The following BPIFB4 variants were observed in gnomAD, a reference collection of about 807,000 sequenced individuals.
BPIFB4 encodes the protein BPI fold containing family B member 4, also known as BPI fold-containing family B member 4.
A neutral mutation model predicts 69.2 loss-of-function variants in BPIFB4; 62 were observed. The observed-to-expected ratio is 0.90, with a 90% confidence interval of 0.73 to 1.11. The LOEUF is 1.11. Among genes scored for constraint, BPIFB4 ranks in the 50% least tolerant of loss-of-function variants. BPIFB4 has a pLI of 0.00. For synonymous variants in BPIFB4, 330 were observed against 332.7 expected (o/e 0.99, Z 0.09); for missense variants, 789 against 792.0 (o/e 1.00, Z 0.04).
At chr20:33,102,838 T>C in intron 14 of BPIFB4, 134 bp from the exon 15 acceptor site, 1 of 916,654 alleles carries the variant, frequency 1.1e-6, no homozygotes, top group African/African-American at 1.6e-5. Flanking sequence ...GCCAGCATTG[T>C]TCTTATTAAA....
chr20:33,083,501 A>G lies in BPIFB4; in HGVS notation c.304A>G (p.Lys102Glu). The G allele has an allele frequency of 6.2e-7, 1 of 1,614,006 alleles. No homozygotes were observed. The highest frequency in any genetic ancestry group is 8.5e-7 in the Non-Finnish European group (1 of 1,179,958). The change falls in exon 5 of 18, where the codon AAA becomes GAA. Residue 102 changes from lysine (K) to glutamate (E), a missense_variant. By Grantham distance (56) the Lys-to-Glu change is moderately conservative. This residue lies in a region of BPIFB4 where 611 missense variants were observed against 575.4 expected (regional missense o/e 1.06). Transcript: ENST00000375483. The stretch of plus-strand genomic sequence containing the variant: ...CGACAACACTGCTCAGCTGGGGGGC[A>G]AATACCGATATGGTGAGATCCTTGA... The part of the protein sequence containing the change: ...TNDNTAQLGG[K>E]YRYGEILESE...
chr20:33,109,672 A>G (rs1982181084), intron 17 of BPIFB4, among the ~76,000 whole-genome samples: 1 of 152,174 alleles, frequency 6.6e-6, no homozygotes, highest in Admixed American at 6.5e-5. Context: ...ATTATAAATG[A>G]CTTACCTTTT....
intron 16 of BPIFB4, 44 bp downstream of exon 16, chr20:33,104,917 GTA>G: frequency 6.3e-7 from 1 of 1,584,420 alleles, no homozygotes; most frequent in Non-Finnish European, 8.7e-7. Flanking sequence ...TGTGGCTTGG[GTA>G]CTGGGGGATA....
At chr20:33,106,000 C>A (rs544183254) in intron 16 of BPIFB4, among the ~76,000 whole-genome samples, 1 of 152,188 alleles carries the variant, frequency 6.6e-6, no homozygotes. Flanking sequence ...CACAAAATAC[C>A]CTGCAAAAAG....
intron 1 of BPIFB4, among the ~76,000 whole-genome samples, chr20:33,080,152 A>G (rs1981186148): frequency 6.6e-6 from 1 of 151,930 alleles, no homozygotes; most frequent in South Asian, 2.1e-4. Flanking sequence ...AATGCCTCTA[A>G]TATTCTTCTG....
intron 7 of BPIFB4, among the ~76,000 whole-genome samples, chr20:33,087,928 G>A (rs1001868353): frequency 6.6e-6 from 1 of 152,138 alleles, no homozygotes; most frequent in Non-Finnish European, 1.5e-5. Context: ...TCTTTGCTTT[G>A]CTGAATTGGC....
chr20:33,082,609 G>A (rs1981267901), intron 3 of BPIFB4, among the ~76,000 whole-genome samples: 1 of 152,186 alleles, frequency 6.6e-6, no homozygotes, highest in Non-Finnish European at 1.5e-5. Flanking sequence ...TGGGATTACA[G>A]GCATGAGCCA....
At chr20:33,102,242 C>T (rs1340191251) in intron 14 of BPIFB4, among the ~76,000 whole-genome samples, 3 of 152,224 alleles carry the variant, frequency 2.0e-5, no homozygotes, top group Non-Finnish European at 2.9e-5. Context: ...ATGTCCCAAG[C>T]GGAGAGTCTT....
chr20:33,111,282 C>G (rs1281408960), intron 17 of BPIFB4, 132 bp from the exon 18 acceptor site: 1 of 1,170,502 alleles, frequency 8.5e-7, no homozygotes, highest in Admixed American at 2.0e-5. Context: ...GCCTGCATGA[C>G]CCCTTTATCT....
At chr20:33,107,962 A>T (rs969956776) in intron 17 of BPIFB4, 142 bp downstream of exon 17, 4 of 716,814 alleles carry the variant, frequency 5.6e-6, no homozygotes, top group Admixed American at 4.4e-5. Context: ...CCTTCCAAGC[A>T]TGGGGCTGAG....
Position 33,084,999 on chromosome 20 carries a change from G to C in BPIFB4, c.782+3G>C, listed in dbSNP as rs1981378376. On this transcript the variant is annotated splice_donor_region_variant and intron_variant, in intron 6 of 17. Transcript: ENST00000375483. Reference sequence around the variant, plus strand: ...CGTGTGGCCATCAACGGGAAGAGGTGCGTGCCCTTGGCCCTGGAGGGGTCC... The same window carrying C: ...CGTGTGGCCATCAACGGGAAGAGGTCCGTGCCCTTGGCCCTGGAGGGGTCC... 1 of 1,610,832 alleles carries C rather than the reference G, an allele frequency of 6.2e-7. No individual in the cohort carries two copies. Among genetic ancestry groups the C allele is most frequent in the Non-Finnish European group, 8.5e-7 (1 of 1,179,644 alleles).
Position 33,104,818 on chromosome 20 carries a change from C to G in BPIFB4, c.1689C>G (p.Leu563=). 1 of 1,614,134 alleles carries G rather than the reference C, an allele frequency of 6.2e-7. No homozygotes were observed. The highest frequency in any genetic ancestry group is 8.5e-7 in the Non-Finnish European group (1 of 1,179,996). The stretch of plus-strand genomic sequence containing the variant: ...TCCTTCTTCCTCTGCAGATTGGCCT[C>G]ATGGAGGTGCTGGTGGAGAAGATTT... ...TSNVGNFDIG[L]MEVLVEKIFD... is the part of the protein sequence containing the mutation. The change falls in exon 16 of 18, where the codon CTC becomes CTG. Residue 563 remains leucine (L), a synonymous_variant. Coordinates refer to ENST00000375483, the MANE Select transcript of BPIFB4 (RefSeq NM_182519.3).
intron 2 of BPIFB4, 56 bp from the exon 3 acceptor site, chr20:33,081,456 G>T: frequency 2.0e-6 from 3 of 1,537,092 alleles, no homozygotes; most frequent in Non-Finnish European, 2.6e-6. Flanking sequence ...AGTGCTACCT[G>T]CTGGCCAGGG....
chr20:33,092,659 G>T lies in BPIFB4; in HGVS notation c.1344+1G>T. On this transcript the variant is annotated splice_donor_variant, in intron 11 of 17. Transcript: ENST00000375483. LOFTEE classifies it high-confidence loss of function. Reference sequence around the variant, plus strand: ...AGACCTGGATATCACCAATGGCATGGTGAGTCACAGCCCCACCAGGGGGAG... The same window carrying T: ...AGACCTGGATATCACCAATGGCATGTTGAGTCACAGCCCCACCAGGGGGAG... 6.2e-7 allele frequency: 1 copy of T among 1,607,322 alleles called. No individual in the cohort carries two copies. Among genetic ancestry groups the T allele is most frequent in the South Asian group, 1.1e-5 (1 of 91,050 alleles).
rs750333125 is a variant in BPIFB4 at position 33,081,604 on chromosome 20, C to T, written c.78C>T (p.Leu26=). Residue 26 remains leucine, a synonymous_variant, in exon 3 of 18, where the codon CTC becomes CTT. Transcript: ENST00000375483. The part of the protein sequence containing the change: ...CGTSHETNTV[L]RVTKDVLSNA... The stretch of plus-strand genomic sequence containing the variant: ...CCAGCCACGAGACAAACACGGTCCT[C>T]AGGGTGACGAAAGATGTGTTGAGCA... 177 of 1,551,720 alleles carry T rather than the reference C, an allele frequency of 1.1e-4. 2 individuals are homozygous for T. In the South Asian group the frequency reaches 2.0e-3, roughly 17 times the overall value.
Position 33,090,901 on chromosome 20 carries a change from A to G in BPIFB4, c.1143+102A>G, listed in dbSNP as rs530236576. On this transcript the variant is annotated intron_variant, in intron 10 of 17. Transcript: ENST00000375483. The stretch of plus-strand genomic sequence containing the variant: ...GCTTCTGCTGAATGCCTGGGAAGTA[A>G]CACTTGACAGGACCCTCTCGATTAG... The G allele has an allele frequency of 3.5e-5, 48 of 1,381,880 alleles. No homozygotes were observed. The African/African-American group carries it at 6.3e-4, about 18-fold the overall frequency. The allele number at this position is 1,381,880 out of a possible 1,614,324, so 85.6% of individuals were successfully genotyped here.
At chr20:33,099,042 C>T (rs973905753) in intron 13 of BPIFB4, among the ~76,000 whole-genome samples, 14 of 151,116 alleles carry the variant, frequency 9.3e-5, no homozygotes, top group African/African-American at 2.4e-4. Flanking sequence ...CCCTAGGCTA[C>T]GGTCTAGCTT....
At chr20:33,095,916 G>T (rs1404579450) in intron 12 of BPIFB4, among the ~76,000 whole-genome samples, 1 of 152,168 alleles carries the variant, frequency 6.6e-6, no homozygotes, top group Non-Finnish European at 1.5e-5. Context: ...CCCATGTCTG[G>T]TTCTGGGCCT....
chr20:33,107,814 G>A lies in BPIFB4; in HGVS notation c.1815G>A (p.Val605=), dbSNP rs766340575. The A allele has an allele frequency of 8.7e-6, 14 of 1,613,708 alleles. No individual in the cohort carries two copies. Among genetic ancestry groups the A allele is most frequent in the African/African-American group, 2.7e-5 (2 of 74,918 alleles). ...NIDFSNADID[V]LEDLLVLSA The stretch of plus-strand genomic sequence containing the variant: ...ACTTTAGCAATGCAGACATTGACGT[G>A]TTGGAGGTAAGAGGAGATCGAGCTC... Residue 605 remains valine (V), a synonymous_variant, in exon 17 of 18, where the codon GTG becomes GTA. Transcript: ENST00000375483.
Sources: allele counts gnomAD v4.1 joint callset (sites outside exome capture counted in the v4.1 genomes callset), GRCh38; gene constraint gnomAD v4.1.1; regional missense constraint gnomAD v4.1.1; transcripts MANE v1.5; gene names NCBI Gene and HGNC (gene_info 2026-07-23, HGNC 2026-07-21).